Variants in KIF21A observed in about 807,000 individuals in gnomAD.
The protein encoded by KIF21A is kinesin family member 21A.
A neutral mutation model predicts 202.9 loss-of-function variants in KIF21A; 114 were observed. The observed-to-expected ratio is 0.56, with a 90% CI of 0.48 to 0.66. KIF21A has a LOEUF of 0.66. KIF21A is among the 30% of genes least tolerant of loss of function. The pLI is 0.00. For synonymous variants in KIF21A, 667 were observed against 670.8 expected, an observed-to-expected ratio of 0.99 and a Z score of 0.09; for missense variants, 1,677 against 1,994.9, an observed-to-expected ratio of 0.84 and a Z score of 3.04.
At chr12:39,377,396 T>C (rs1022343831) in intron 1 of KIF21A, among the ~76,000 whole-genome samples, 1 of 152,192 alleles carries the variant, frequency 6.6e-6, no homozygotes. Flanking sequence ...TCATCACAAC[T>C]GAGCCACTGG....
intron 3 of KIF21A, among the ~76,000 whole-genome samples, chr12:39,368,953 A>G (rs536773123): frequency 4.2e-4 from 64 of 152,316 alleles, no homozygotes; most frequent in African/African-American, 1.5e-3. Flanking sequence ...ACTATGCTAG[A>G]CAGCCTAAAT....
chr12:39,396,227 TG>T (rs1296296801), intron 1 of KIF21A, among the ~76,000 whole-genome samples: 3 of 152,144 alleles, frequency 2.0e-5, no homozygotes, highest in Non-Finnish European at 4.4e-5. Flanking sequence ...AATTTTAAAA[TG>T]TAAGAATGTA....
At chr12:39,295,040 G>A (rs915109604) in intron 37 of KIF21A, among the ~76,000 whole-genome samples, 1 of 152,188 alleles carries the variant, frequency 6.6e-6, no homozygotes, top group Non-Finnish European at 1.5e-5. Flanking sequence ...TAGGGAGTTA[G>A]CGAATCTGGC....
At chr12:39,405,876 A>C (rs1314117054) in intron 1 of KIF21A, among the ~76,000 whole-genome samples, 6 of 152,198 alleles carry the variant, frequency 3.9e-5, no homozygotes, top group African/African-American at 1.4e-4. Flanking sequence ...TAATAAAGTC[A>C]CTCAGTAGTG....
chr12:39,425,903 A>G (rs2140286755), intron 1 of KIF21A, among the ~76,000 whole-genome samples: 1 of 151,330 alleles, frequency 6.6e-6, no homozygotes, highest in South Asian at 2.1e-4. Context: ...ACTCTGAAAG[A>G]TACATCTAAC....
rs778528102 is a variant in KIF21A at position 39,311,528 on chromosome 12, A to G, written c.3985T>C (p.Ser1329Pro). The G allele has an allele frequency of 4.3e-6, 7 of 1,613,094 alleles. No individual in the cohort carries two copies. The South Asian group carries it at 7.7e-5, about 18-fold the overall frequency. Reference protein sequence around the residue: ...RRGIINPFPASKGIRAFPLQC... With the variant: ...RRGIINPFPAPKGIRAFPLQC... ...AGTGGAAAAGCTCTGATTCCTTTTG[A>G]AGCAGGAAATGGGTTGATTATGCCC... Residue 1329 changes from serine to proline, a missense_variant, in exon 32 of 38, where the codon TCA becomes CCA. Ser to Pro is a moderately conservative substitution (Grantham distance 74). Coordinates refer to ENST00000361418, the MANE Select transcript of KIF21A (RefSeq NM_001173464.2).
At chr12:39,336,274 A>C (rs1946960354) in intron 17 of KIF21A, among the ~76,000 whole-genome samples, 1 of 152,218 alleles carries the variant, frequency 6.6e-6, no homozygotes, top group African/African-American at 2.4e-5. Flanking sequence ...ACCTAAAAGA[A>C]ATAATCACAT....
rs140268319 is a variant in KIF21A at position 39,420,469 on chromosome 12, C to T, written c.44+22458G>A. Among the ~76,000 whole-genome samples, 42 of 152,030 alleles carry T rather than the reference C, an allele frequency of 2.8e-4. 1 individual carries two copies. In the East Asian group the frequency reaches 7.3e-3, roughly 27 times the overall value. On this transcript the variant is annotated intron_variant, in intron 1 of 37. Coordinates refer to ENST00000361418, the MANE Select transcript of KIF21A (RefSeq NM_001173464.2). Reference sequence around the variant, plus strand: ...ATAAAGAACATCAAGCAAAGAACTACGAAGAACACTAAGTTTAAAAAAAAA... The same window carrying T: ...ATAAAGAACATCAAGCAAAGAACTATGAAGAACACTAAGTTTAAAAAAAAA...
intron 1 of KIF21A, among the ~76,000 whole-genome samples, chr12:39,393,409 T>C (rs953611164): frequency 2.6e-5 from 4 of 152,132 alleles, no homozygotes; most frequent in African/African-American, 9.7e-5. Flanking sequence ...ACAGATAAAT[T>C]ATTTCCCTTT....
intron 1 of KIF21A, among the ~76,000 whole-genome samples, chr12:39,403,947 A>G (rs1456125879): frequency 1.3e-5 from 2 of 152,206 alleles, no homozygotes; most frequent in East Asian, 3.8e-4. Context: ...ACCTGTCAAA[A>G]GTTTCTCAAA....
At chr12:39,441,903 T>C (rs1394167838) in intron 1 of KIF21A, among the ~76,000 whole-genome samples, 1 of 151,396 alleles carries the variant, frequency 6.6e-6, no homozygotes, top group African/African-American at 2.4e-5. Flanking sequence ...CCTTAAAGCA[T>C]AAATAAGGAG....
intron 1 of KIF21A, among the ~76,000 whole-genome samples, chr12:39,424,313 TC>T (rs1172286208): frequency 1.3e-5 from 2 of 152,146 alleles, no homozygotes; most frequent in African/African-American, 4.8e-5. Context: ...TTCTCCAGTA[TC>T]CTTGACTAGA....
intron 1 of KIF21A, among the ~76,000 whole-genome samples, chr12:39,410,318 C>T (rs993771011): frequency 1.3e-5 from 2 of 152,154 alleles, no homozygotes; most frequent in Non-Finnish European, 2.9e-5. Context: ...TGTTAAGTCA[C>T]TAAGTTTGTG....
intron 1 of KIF21A, among the ~76,000 whole-genome samples, chr12:39,399,158 A>G (rs1167815551): frequency 2.0e-5 from 3 of 152,228 alleles, no homozygotes; most frequent in Non-Finnish European, 2.9e-5. Context: ...TGTCGAGGCT[A>G]CAGTGAGCCA....
rs144091899 is a variant in KIF21A at position 39,386,340 on chromosome 12, A to G, written c.45-16079T>C. ...GTAATACCTGAGGGATGGTGAATCA[A>G]TAAGATAGAAAGATCCCGGGACACC... On this transcript the variant is annotated intron_variant, in intron 1 of 37. Coordinates refer to ENST00000361418, the MANE Select transcript of KIF21A (RefSeq NM_001173464.2). Among the ~76,000 whole-genome samples, 245 of 152,292 alleles carry G rather than the reference A, an allele frequency of 1.6e-3. 2 individuals carry two copies. The highest frequency in any genetic ancestry group is 2.3e-3 in the Non-Finnish European group (159 of 68,022).
chr12:39,412,083 C>T (rs899812297), intron 1 of KIF21A, among the ~76,000 whole-genome samples: 4 of 152,098 alleles, frequency 2.6e-5, no homozygotes, highest in Admixed American at 6.5e-5. Context: ...TCAGGTGATC[C>T]ACCCGCCTCA....
rs533999223 is a variant in KIF21A at position 39,378,140 on chromosome 12, G to A, written c.45-7879C>T. On this transcript the variant is annotated intron_variant, in intron 1 of 37. Transcript: ENST00000361418. ...ATTTATTTCCCTCAAGTACAGTTCT[G>A]TAGTGGCTAACCAGAAAAAGAAAGC... 7.2e-5 allele frequency among the ~76,000 whole-genome samples: 11 copies of A among 152,252 alleles called. No individual in the cohort carries two copies. In the East Asian group the frequency reaches 2.1e-3, roughly 29 times the overall value.
At chr12:39,355,325 T>G (rs912503952) in intron 10 of KIF21A, among the ~76,000 whole-genome samples, 2 of 152,062 alleles carry the variant, frequency 1.3e-5, no homozygotes, top group African/African-American at 4.8e-5. Context: ...AGTCAAGCAA[T>G]TTGCCTAATA....
At chr12:39,317,397 C>T (rs757591081) in intron 29 of KIF21A, among the ~76,000 whole-genome samples, 4 of 152,052 alleles carry the variant, frequency 2.6e-5, no homozygotes, top group Non-Finnish European at 5.9e-5. Context: ...TTAATAAATA[C>T]CTTATGGCAG....
Sources: allele counts gnomAD v4.1 joint callset (sites outside exome capture counted in the v4.1 genomes callset), GRCh38; gene constraint gnomAD v4.1.1; transcripts MANE v1.5; gene names NCBI Gene and HGNC (gene_info 2026-07-23, HGNC 2026-07-21).